PEX11B: variants seen among roughly 807,000 people sequenced by gnomAD.
PEX11B encodes the protein peroxisomal membrane protein 11B.
A neutral mutation model predicts 28.2 loss-of-function variants in PEX11B; 18 were observed. The observed-to-expected ratio is 0.64, with a 90% confidence interval of 0.44 to 0.95. The LOEUF (loss-of-function observed/expected upper bound fraction) is 0.95. PEX11B is among the 40% of genes least tolerant of loss of function. The probability of loss-of-function intolerance (pLI) is 0.00; values close to 1 mark genes in which losing one functional copy is unlikely to be tolerated. For synonymous variants in PEX11B, 128 were observed against 128.7 expected, an observed-to-expected ratio of 0.99 and a Z score of 0.04; for missense variants, 305 against 319.8, an observed-to-expected ratio of 0.95 and a Z score of 0.35.
chr1:145,912,147 C>T lies in PEX11B; in HGVS notation c.*14G>A, dbSNP rs187794118. 6.4e-7 allele frequency: 1 copy of T among 1,570,530 alleles called. No individual in the cohort carries two copies. Among genetic ancestry groups the T allele is most frequent in the East Asian group, 2.3e-5 (1 of 43,994 alleles). ...TCACCAATTCAGGTCCCCTCCTTAT[C>T]CTGTACCGGAAGGTCAGGGCTTGAG... is the stretch of plus-strand genomic sequence containing the variant. On this transcript the variant is annotated 3_prime_UTR_variant, in exon 4 of 4. Transcript: ENST00000369306.
rs1477790519 is a variant in PEX11B, at chr1:145,911,596, T to C, written c.*565A>G. 2 of 169,686 alleles carry C rather than the reference T, an allele frequency of 1.2e-5. No homozygotes were observed. The highest frequency in any genetic ancestry group is 1.3e-4 in the East Asian group (1 of 7,976). The allele number at this position is 169,686 out of a possible 1,614,324, so 10.5% of individuals were successfully genotyped here. On this transcript the variant is annotated 3_prime_UTR_variant, in exon 4 of 4. Coordinates refer to ENST00000369306, the MANE Select transcript of PEX11B (RefSeq NM_003846.3). ...GATAAGGGCCAAATGATGAGCGAGG[T>C]TGGTGAGGTAGACATAAGGGAGGAA... is the stretch of plus-strand genomic sequence containing the variant.
In PEX11B at chr1:145,917,696, C is replaced by T. The variant is rs587612169; in HGVS notation, c.172+5G>A. On this transcript the variant is annotated splice_donor_5th_base_variant and intron_variant, in intron 2 of 3. Coordinates refer to ENST00000369306, the MANE Select transcript of PEX11B (RefSeq NM_003846.3). ...GGGGATAAAAGGAAAGACAGAGTTA[C>T]TTACGCTTTCTTCCAAGGCTCAGGT... 55 of 1,515,864 alleles carry T rather than the reference C, an allele frequency of 3.6e-5. No individual in the cohort carries two copies. In the South Asian group the frequency reaches 6.1e-4, roughly 17 times the overall value. The allele number at this position is 1,515,864 out of a possible 1,614,324, so 93.9% of individuals were successfully genotyped here. A position where few individuals can be genotyped will look rare whatever the true frequency, so the allele number is the denominator to read the frequency against.
In PEX11B at chr1:145,912,176, T is replaced by C; in HGVS notation, c.765A>G (p.Leu255=). 6.2e-7 allele frequency: 1 copy of C among 1,606,226 alleles called. No homozygotes were observed. Among genetic ancestry groups the C allele is most frequent in the Non-Finnish European group, 8.5e-7 (1 of 1,175,492 alleles). The change falls in exon 4 of 4, where the codon CTA becomes CTG. Residue 255 remains leucine, a synonymous_variant. Coordinates refer to ENST00000369306, the MANE Select transcript of PEX11B (RefSeq NM_003846.3). Reference sequence around the variant, plus strand: ...TACCGGAAGGTCAGGGCTTGAGTCGTAGCCAGGGATAGATTAGGGTGAGAA... The same window carrying C: ...TACCGGAAGGTCAGGGCTTGAGTCGCAGCCAGGGATAGATTAGGGTGAGAA... The part of the protein sequence containing the change: ...LSILTLIYPW[L]RLKP
intron 1 of PEX11B, 57 bp downstream of exon 1, chr1:145,918,574 TAG>T (rs1647554886): frequency 1.1e-5 from 17 of 1,562,718 alleles, no homozygotes; most frequent in Non-Finnish European, 1.4e-5. Context: ...TTCGCCTCAC[TAG>T]AGTCTTCCTC....
Position 145,912,170 on chromosome 1 carries a change from G to A in PEX11B, c.771C>T (p.Leu257=), listed in dbSNP as rs1553753173. 2 of 1,602,280 alleles carry A rather than the reference G, an allele frequency of 1.2e-6. No homozygotes were observed. The highest frequency in any genetic ancestry group is 8.5e-7 in the Non-Finnish European group (1 of 1,173,386). The part of the protein sequence containing the change: ...ILTLIYPWLR[L]KP ...ATCCTGTACCGGAAGGTCAGGGCTT[G>A]AGTCGTAGCCAGGGATAGATTAGGG... The change falls in exon 4 of 4, where the codon CTC becomes CTT. Residue 257 remains leucine (L), a synonymous_variant. Transcript: ENST00000369306.
At chr1:145,915,052 C>T (rs1163704881) in intron 3 of PEX11B, among the ~76,000 whole-genome samples, 6 of 152,008 alleles carry the variant, frequency 3.9e-5, no homozygotes, top group African/African-American at 7.3e-5. Flanking sequence ...TACAGGCATG[C>T]GCCACCACAC....
intron 3 of PEX11B, among the ~76,000 whole-genome samples, chr1:145,915,826 G>A (rs1553753825): frequency 6.6e-6 from 1 of 151,932 alleles, no homozygotes. Flanking sequence ...TAGAGACGGG[G>A]TTTTGCCACG....
intron 3 of PEX11B, among the ~76,000 whole-genome samples, chr1:145,914,474 C>T (rs1176488391): frequency 3.3e-5 from 5 of 152,142 alleles, no homozygotes; most frequent in Non-Finnish European, 7.4e-5. Context: ...GAGAGGCTTA[C>T]AGACTCAACA....
At chr1:145,918,569 C>G in intron 1 of PEX11B, 64 bp downstream of exon 1, 2 of 1,559,722 alleles carry the variant, frequency 1.3e-6, no homozygotes, top group Non-Finnish European at 8.7e-7. Context: ...CTGACTTCGC[C>G]TCACTAGAGT....
At chr1:145,913,592 A>AACACACACACACAC (rs56031424) in intron 3 of PEX11B, among the ~76,000 whole-genome samples, 1 of 142,710 alleles carries the variant, frequency 7.0e-6, no homozygotes. Context: ...TCCACTTGGC[A>AACACACACACACAC]ACACACACAC....
At chr1:145,915,885 G>T (rs587672609) in intron 3 of PEX11B, among the ~76,000 whole-genome samples, 1 of 151,890 alleles carries the variant, frequency 6.6e-6, no homozygotes, top group East Asian at 1.9e-4. Flanking sequence ...CCCCAACCTC[G>T]GCCTCCCAAA....
chr1:145,917,874 T>C lies in PEX11B; in HGVS notation c.57-58A>G, dbSNP rs1647495584. 17 of 1,471,348 alleles carry C rather than the reference T, an allele frequency of 1.2e-5. No individual in the cohort carries two copies. The South Asian group carries it at 1.9e-4, about 16-fold the overall frequency. The allele number at this position is 1,471,348 out of a possible 1,614,324, so 91.1% of individuals were successfully genotyped here. On this transcript the variant is annotated intron_variant, in intron 1 of 3. Transcript: ENST00000369306. ...ACCTCCCTAACCTTCCGCTCAAAAC[T>C]ATCTTCCAAAAGGCACAGACAGACT... is the stretch of plus-strand genomic sequence containing the variant.
intron 1 of PEX11B, chr1:145,918,306 G>A: frequency 6.7e-7 from 1 of 1,481,786 alleles, no homozygotes; most frequent in Non-Finnish European, 9.0e-7. Context: ...TCAGCTCTGG[G>A]GGCAGAGTCT....
chr1:145,915,146 C>T (rs1380099884), intron 3 of PEX11B, among the ~76,000 whole-genome samples: 4 of 152,196 alleles, frequency 2.6e-5, no homozygotes, highest in East Asian at 1.9e-4. Flanking sequence ...TCAGGTGATC[C>T]GCCCGCCTTG....
At chr1:145,915,924 C>T (rs587599646) in intron 3 of PEX11B, among the ~76,000 whole-genome samples, 2 of 152,152 alleles carry the variant, frequency 1.3e-5, no homozygotes, top group African/African-American at 2.4e-5. Flanking sequence ...TGAGCCACTG[C>T]GCCCGGCCTG....
chr1:145,912,579 G>A lies in PEX11B; in HGVS notation c.375-13C>T. 1 of 1,459,186 alleles carries A rather than the reference G, an allele frequency of 6.9e-7. No homozygotes were observed. The highest frequency in any genetic ancestry group is 1.6e-5 in the South Asian group (1 of 60,690). 90.4% of individuals were successfully genotyped at this position (1,459,186 alleles called of 1,614,324 possible). A position where few individuals can be genotyped will look rare whatever the true frequency, so the allele number is the denominator to read the frequency against. On this transcript the variant is annotated splice_polypyrimidine_tract_variant and intron_variant, in intron 3 of 3. Coordinates refer to ENST00000369306, the MANE Select transcript of PEX11B (RefSeq NM_003846.3). ...AAACAAATAGTACCTGATACACAGA[G>A]CAAAAGGGTCAGTAAGGGCATGTAT...
Position 145,912,400 on chromosome 1 carries a change from C to T in PEX11B, c.541G>A (p.Gly181Arg). The T allele has an allele frequency of 6.2e-7, 1 of 1,603,072 alleles. No individual in the cohort carries two copies. Among genetic ancestry groups the T allele is most frequent in the Non-Finnish European group, 8.5e-7 (1 of 1,173,684 alleles). Residue 181 changes from glycine to arginine, a missense_variant, in exon 4 of 4, where the codon GGA becomes AGA. Transcript: ENST00000369306. ...TTCAGAGCCAGTTGGGGCAGACCTC[C>T]TCCTGGAGTCCCTGGTCCCCCAAGT... Reference protein sequence around the residue: ...GGLGGPGTPGGGLPQLALKLR... With the variant: ...GGLGGPGTPGRGLPQLALKLR...
At chr1:145,915,336 C>T (rs587619557) in intron 3 of PEX11B, among the ~76,000 whole-genome samples, 1 of 152,264 alleles carries the variant, frequency 6.6e-6, no homozygotes, top group East Asian at 1.9e-4. Flanking sequence ...GTTGCTTTTC[C>T]ATACTGCTCC....
At chr1:145,916,446 G>C (rs1647383030) in intron 3 of PEX11B, among the ~76,000 whole-genome samples, 1 of 152,142 alleles carries the variant, frequency 6.6e-6, no homozygotes, top group South Asian at 2.1e-4. Flanking sequence ...AGCTTCATGG[G>C]AGCAGGCACA....
Sources: allele counts gnomAD v4.1 joint callset (sites outside exome capture counted in the v4.1 genomes callset), GRCh38; gene constraint gnomAD v4.1.1; transcripts MANE v1.5; gene names NCBI Gene and HGNC (gene_info 2026-07-23, HGNC 2026-07-21).